TANK: variants seen among roughly 807,000 people sequenced by gnomAD.
TANK encodes the protein TRAF family member associated NFKB activator, also known as TRAF family member-associated NF-kappa-B activator.
A neutral mutation model predicts 43.6 loss-of-function variants in TANK; 15 were observed. The observed-to-expected ratio is 0.34, with a 90% CI of 0.23 to 0.53. The LOEUF is 0.53. Among genes scored for constraint, TANK ranks in the 20% least tolerant of loss-of-function variants. TANK has a pLI of 0.94. For missense variants in TANK, 417 were observed against 498.6 expected (o/e 0.84, Z 1.56); for synonymous variants, 162 against 178.2 (o/e 0.91, Z 0.73).
intron 4 of TANK, among the ~76,000 whole-genome samples, chr2:161,215,111 T>C (rs1252809113): frequency 1.3e-5 from 2 of 152,176 alleles, no homozygotes; most frequent in African/African-American, 4.8e-5. Context: ...GCCAGGATGC[T>C]CAGGGGCCAT....
chr2:161,224,056 G>T (rs1402926819), intron 5 of TANK, 65 bp downstream of exon 5: 1 of 1,113,602 alleles, frequency 9.0e-7, no homozygotes, highest in Non-Finnish European at 1.3e-6. Context: ...TTTTATATTT[G>T]TTTTTTTTAA....
intron 7 of TANK, chr2:161,232,698 T>G (rs1285583173): frequency 5.2e-6 from 8 of 1,531,392 alleles, no homozygotes; most frequent in Non-Finnish European, 7.0e-6. Context: ...TGTTACTTTT[T>G]TCTCTATTAT....
rs760252914 is a variant in TANK, at chr2:161,230,954, T to C, written c.521-17T>C. The C allele has an allele frequency of 1.3e-6, 2 of 1,596,018 alleles. No homozygotes were observed. Among genetic ancestry groups the C allele is most frequent in the Non-Finnish European group, 1.7e-6 (2 of 1,164,224 alleles). ...TTTGAATGCGGCTGTTTCTCTTTTGTGTTCTTCTCCCTCCAGAAACACAGT... is the reference window on the plus strand; with the variant it reads ...TTTGAATGCGGCTGTTTCTCTTTTGCGTTCTTCTCCCTCCAGAAACACAGT... On this transcript the variant is annotated splice_polypyrimidine_tract_variant and intron_variant, in intron 6 of 7. Transcript: ENST00000392749.
At chr2:161,219,983 T>C (rs1687271514) in intron 4 of TANK, 1 of 215,098 alleles carries the variant, frequency 4.6e-6, no homozygotes, top group Non-Finnish European at 9.5e-6. Context: ...CACCTTGGCT[T>C]ACTTCTTGGT....
intron 1 of TANK, among the ~76,000 whole-genome samples, chr2:161,147,994 T>A (rs961985138): frequency 6.6e-6 from 1 of 152,350 alleles, no homozygotes; most frequent in South Asian, 2.1e-4. Flanking sequence ...TGTATTTACA[T>A]GTATTTGTTT....
At chr2:161,157,568 T>C (rs974958764), upstream of TANK, among the ~76,000 whole-genome samples, 1 of 152,260 alleles carries the variant, frequency 6.6e-6, no homozygotes, top group African/African-American at 2.4e-5. Flanking sequence ...CATCAAAGAT[T>C]TGACTGAGAA....
chr2:161,160,841 A>G (rs760308957), intron 1 of TANK: 26 of 524,962 alleles, frequency 5.0e-5, no homozygotes, highest in African/African-American at 3.4e-4. Flanking sequence ...TGGACCCTCC[A>G]GGAACATTCC....
At chr2:161,226,133 G>C (rs758131328) in intron 6 of TANK, among the ~76,000 whole-genome samples, 2 of 152,098 alleles carry the variant, frequency 1.3e-5, no homozygotes, top group Admixed American at 6.5e-5. Flanking sequence ...TCAAGGCATT[G>C]TAATGGTGAT....
At chr2:161,217,107 A>G (rs545775756) in intron 4 of TANK, among the ~76,000 whole-genome samples, 23 of 152,356 alleles carry the variant, frequency 1.5e-4, no homozygotes, top group African/African-American at 5.5e-4. Flanking sequence ...TTTAAGAAAC[A>G]GACAAAATGT....
At chr2:161,209,072 C>G (rs535479821) in intron 4 of TANK, among the ~76,000 whole-genome samples, 13 of 152,214 alleles carry the variant, frequency 8.5e-5, no homozygotes, top group African/African-American at 3.1e-4. Flanking sequence ...ACTTAATATT[C>G]ACTTAATAGT....
chr2:161,186,802 A>G (rs937701294), intron 2 of TANK, among the ~76,000 whole-genome samples: 3 of 152,212 alleles, frequency 2.0e-5, no homozygotes, highest in Non-Finnish European at 4.4e-5. Flanking sequence ...CAGACTGTAT[A>G]AAGAAAATTC....
In TANK at chr2:161,191,944, C is replaced by T. The variant is rs374507905; in HGVS notation, c.100-11543C>T. On this transcript the variant is annotated intron_variant, in intron 2 of 7. Transcript: ENST00000392749. ...CTGGGATTACAGGCGCCCACCACCACGCCCAGCTAATTTTTTTATTTTTAA... is the reference window on the plus strand; with the variant it reads ...CTGGGATTACAGGCGCCCACCACCATGCCCAGCTAATTTTTTTATTTTTAA... Among the ~76,000 whole-genome samples the T allele has an allele frequency of 6.6e-5, 10 of 152,106 alleles. No individual in the cohort carries two copies. In the East Asian group the frequency reaches 1.7e-3, roughly 26 times the overall value.
At chr2:161,233,383 C>G (rs559129697) in intron 7 of TANK, among the ~76,000 whole-genome samples, 13 of 151,876 alleles carry the variant, frequency 8.6e-5, no homozygotes, top group Non-Finnish European at 1.5e-4. Flanking sequence ...GGTGACAGAG[C>G]AAGACCCTGT....
chr2:161,173,006 G>A (rs1020011155), intron 1 of TANK, among the ~76,000 whole-genome samples: 4 of 152,032 alleles, frequency 2.6e-5, no homozygotes, highest in Non-Finnish European at 5.9e-5. Flanking sequence ...TCATCTCCTT[G>A]AAAATCTCTC....
chr2:161,139,802 A>G (rs1183465353), intron 1 of TANK: 7 of 985,340 alleles, frequency 7.1e-6, no homozygotes, highest in South Asian at 9.4e-5. Flanking sequence ...TAGCAGCCAA[A>G]TAAACAAAGC....
chr2:161,195,651 T>A (rs1686112110), intron 2 of TANK, among the ~76,000 whole-genome samples: 1 of 151,482 alleles, frequency 6.6e-6, no homozygotes, highest in Non-Finnish European at 1.5e-5. Flanking sequence ...GGGTGAGGGG[T>A]AGGGAAAAAG....
chr2:161,179,242 G>C (rs1451986237), intron 1 of TANK, among the ~76,000 whole-genome samples: 1 of 152,100 alleles, frequency 6.6e-6, no homozygotes, highest in East Asian at 1.9e-4. Flanking sequence ...GTGGGAGTAA[G>C]AGTCCATTTA....
upstream of TANK, chr2:161,159,382 T>G (rs1684309819): frequency 6.6e-6 from 1 of 152,198 alleles, no homozygotes; most frequent in African/African-American, 2.4e-5. Context: ...AATCTAAAAC[T>G]GCCCTCAAAA....
intron 4 of TANK, among the ~76,000 whole-genome samples, chr2:161,218,780 A>G (rs1687225488): frequency 6.6e-6 from 1 of 152,190 alleles, no homozygotes; most frequent in Admixed American, 6.5e-5. Flanking sequence ...ATAACACTAA[A>G]TTTGTAGTTA....
Sources: allele counts gnomAD v4.1 joint callset (sites outside exome capture counted in the v4.1 genomes callset), GRCh38; gene constraint gnomAD v4.1.1; transcripts MANE v1.5; gene names NCBI Gene and HGNC (gene_info 2026-07-23, HGNC 2026-07-21).